The following MIB2 variants were observed in gnomAD, a reference collection of about 807,000 sequenced individuals.
The protein encoded by MIB2 is E3 ubiquitin-protein ligase MIB2.
A neutral mutation model predicts 96.6 loss-of-function variants in MIB2; 78 were observed. The observed-to-expected ratio is 0.81, with a 90% CI of 0.67 to 0.97. The LOEUF (loss-of-function observed/expected upper bound fraction) is 0.97. Among genes scored for constraint, MIB2 ranks in the 50% least tolerant of loss-of-function variants. The pLI is 0.00. For synonymous variants in MIB2, 820 were observed against 629.5 expected (o/e 1.30, Z -4.53); for missense variants, 1,543 against 1,424.0 (o/e 1.08, Z -1.35).
chr1:1,615,920 C>G, intron 1 of MIB2: 1 of 998,758 alleles, frequency 1.0e-6, no homozygotes, highest in Middle Eastern at 5.0e-4. Context: ...GGTCGTCGTC[C>G]GGGCCGGGTG....
At chr1:1,620,402 T>G (rs1317497203) in intron 2 of MIB2, among the ~76,000 whole-genome samples, 1 of 152,204 alleles carries the variant, frequency 6.6e-6, no homozygotes, top group African/African-American at 2.4e-5. Context: ...CAGTCGGTTC[T>G]GCGGCTGCCT....
rs1332045586 is a variant in MIB2, at chr1:1,627,383, A to AGGGC, written c.1468_1471dup (p.Val491GlyfsTer63). On this transcript the variant is annotated frameshift_variant, in exon 12 of 20. Transcript: ENST00000355826. LOFTEE classifies it high-confidence loss of function. ...GTTGATACGGCTGCTGCTACAAGCCAGGGCGGGCGTGGACCTGCCGGACGA... is the reference window on the plus strand; with the variant it reads ...GTTGATACGGCTGCTGCTACAAGCCAGGGCGGGCGGGCGTGGACCTGCCGGACGA... 1 of 1,612,986 alleles carries AGGGC rather than the reference A, an allele frequency of 6.2e-7. No homozygotes were observed. The highest frequency in any genetic ancestry group is 8.5e-7 in the Non-Finnish European group (1 of 1,179,946).
chr1:1,629,095 C>T (rs1342342683), intron 16 of MIB2, 38 bp from the exon 17 acceptor site: 9 of 1,404,886 alleles, frequency 6.4e-6, no homozygotes, highest in South Asian at 1.6e-5. Flanking sequence ...GGGCCTGCCC[C>T]GGCGCCCGCC....
chr1:1,626,825 C>A lies in MIB2; in HGVS notation c.1078-12C>A. 2 of 1,600,588 alleles carry A rather than the reference C, an allele frequency of 1.2e-6. No homozygotes were observed. Among genetic ancestry groups the A allele is most frequent in the Non-Finnish European group, 1.7e-6 (2 of 1,178,384 alleles). On this transcript the variant is annotated splice_polypyrimidine_tract_variant and intron_variant, in intron 9 of 19. Transcript: ENST00000355826. The surrounding 1 kb of genome is among the most constrained non-coding windows in gnomAD (Gnocchi z 5.3). ...ACCTGCAGCCTGCTGTGACCCCCTCCCCTCCCCGCAGGCCCTGGGCCGCGT... is the reference window on the plus strand; with the variant it reads ...ACCTGCAGCCTGCTGTGACCCCCTCACCTCCCCGCAGGCCCTGGGCCGCGT...
Position 1,623,413 on chromosome 1 carries a change from G to A in MIB2, c.-22-18G>A, listed in dbSNP as rs866809129. 1.3e-5 allele frequency: 21 copies of A among 1,600,504 alleles called. No individual in the cohort carries two copies. Among genetic ancestry groups the A allele is most frequent in the Non-Finnish European group, 1.7e-5 (20 of 1,175,220 alleles). ...GGTCCCGAGCAGCCCGGCCCACCATGGACCCCTCTGCCCACAGGTCCCGAG... is the reference window on the plus strand; with the variant it reads ...GGTCCCGAGCAGCCCGGCCCACCATAGACCCCTCTGCCCACAGGTCCCGAG... On this transcript the variant is annotated intron_variant, in intron 2 of 19. Transcript: ENST00000355826.
In MIB2 at chr1:1,624,893, C is replaced by T. The variant is rs1444102877; in HGVS notation, c.518C>T (p.Ser173Leu). Residue 173 changes from serine (S) to leucine (L), a missense_variant, in exon 5 of 20, where the codon TCA becomes TTA. Transcript: ENST00000355826. ...VVRGPDWEWG[S>L]QDGGEGKPGR... ...CGAGGCCCCGACTGGGAGTGGGGCTCACAGGATGGTGAGTGGAGGCAGAGG... is the reference window on the plus strand; with the variant it reads ...CGAGGCCCCGACTGGGAGTGGGGCTTACAGGATGGTGAGTGGAGGCAGAGG... 1 of 1,612,554 alleles carries T rather than the reference C, an allele frequency of 6.2e-7. No homozygotes were observed. Among genetic ancestry groups the T allele is most frequent in the African/African-American group, 1.3e-5 (1 of 74,944 alleles).
At position 1,625,380 on chromosome 1, in the gene MIB2, G is replaced by C. The variant is rs1292979042; in HGVS notation, c.816G>C (p.Leu272=). The C allele has an allele frequency of 2.5e-6, 4 of 1,588,706 alleles. No homozygotes were observed. The highest frequency in any genetic ancestry group is 3.4e-6 in the Non-Finnish European group (4 of 1,168,330). ...KVKCLLDTDV[L]REMQEGHGGW... ...AGTGTCTGCTGGACACTGATGTCCT[G>C]CGGGAGATGCAGGAAGGCCACGGCG... Residue 272 remains leucine, a synonymous_variant, in exon 7 of 20, where the codon CTG becomes CTC. Transcript: ENST00000355826. This position sits in a 1 kb window ranked among gnomAD's most constrained non-coding sequence, Gnocchi z 5.0.
intron 4 of MIB2, among the ~76,000 whole-genome samples, chr1:1,624,462 C>G (rs568912564): frequency 7.2e-5 from 11 of 152,204 alleles, no homozygotes; most frequent in Non-Finnish European, 1.3e-4. Context: ...TGTGCCCCAG[C>G]TCACTGGGAG....
intron 2 of MIB2, among the ~76,000 whole-genome samples, chr1:1,622,932 G>A (rs1242278660): frequency 1.3e-5 from 2 of 152,134 alleles, no homozygotes; most frequent in East Asian, 1.9e-4. Context: ...GTTGTCTGAC[G>A]TTTTCGTGTG....
chr1:1,615,571 C>T lies in MIB2; in HGVS notation c.-192C>T. 6.5e-7 allele frequency: 1 copy of T among 1,541,240 alleles called. No individual in the cohort carries two copies. Among genetic ancestry groups the T allele is most frequent in the Non-Finnish European group, 8.7e-7 (1 of 1,147,488 alleles). On this transcript the variant is annotated 5_prime_UTR_variant, in exon 1 of 20. Transcript: ENST00000355826. ...GGTGGCCCAGGAGGGCCTGGGAGCC[C>T]GAAGCCGTCCCCGAGTCGCTCCTAG...
Position 1,625,521 on chromosome 1 carries a change from G to T in MIB2, c.865-25G>T. 1 of 1,479,992 alleles carries T rather than the reference G, an allele frequency of 6.8e-7. No homozygotes were observed. The allele number at this position is 1,479,992 out of a possible 1,614,324, so 91.7% of individuals were successfully genotyped here. Reference sequence around the variant, plus strand: ...CTCCCCAAGCGTCCAGCCCGACCCAGCCACAGCTCCATGACCCGCCACAGT... The same window carrying T: ...CTCCCCAAGCGTCCAGCCCGACCCATCCACAGCTCCATGACCCGCCACAGT... On this transcript the variant is annotated intron_variant, in intron 7 of 19. Coordinates refer to ENST00000355826, the MANE Select transcript of MIB2 (RefSeq NM_001170687.4). The surrounding 1 kb of genome is among the most constrained non-coding windows in gnomAD (Gnocchi z 5.0).
intron 19 of MIB2, 94 bp downstream of exon 19, chr1:1,629,798 A>G: frequency 5.7e-6 from 6 of 1,050,548 alleles, no homozygotes; most frequent in South Asian, 1.8e-5. Context: ...ACTTCCGCCC[A>G]TGGCCCTTCC....
chr1:1,622,029 C>G (rs1644306825), intron 2 of MIB2, among the ~76,000 whole-genome samples: 1 of 152,256 alleles, frequency 6.6e-6, no homozygotes, highest in African/African-American at 2.4e-5. Flanking sequence ...ATGCAAAGCA[C>G]TGGGTTGCAG....
chr1:1,630,558 C>T lies in MIB2; in HGVS notation c.*28C>T, dbSNP rs1443182892. On this transcript the variant is annotated 3_prime_UTR_variant, in exon 20 of 20. Transcript: ENST00000355826. ...CGCGCCGTCCGCCGCGCCCGAGCTG[C>T]CTTCGCGTGCCCCCGCCCTGTGTTT... 4 of 1,479,996 alleles carry T rather than the reference C, an allele frequency of 2.7e-6. No individual in the cohort carries two copies. Among genetic ancestry groups the T allele is most frequent in the African/African-American group, 1.4e-5 (1 of 70,078 alleles). 91.7% of individuals were successfully genotyped at this position (1,479,996 alleles called of 1,614,324 possible).
chr1:1,616,247 C>T (rs964142211), intron 1 of MIB2: 2 of 434,552 alleles, frequency 4.6e-6, no homozygotes, highest in East Asian at 1.0e-4. Context: ...CCTGCGCCGG[C>T]GCCCGTGCGC....
rs1419956251 is a variant in MIB2, at chr1:1,629,213, C to T, written c.2283C>T (p.Ala761=). 3.9e-6 allele frequency: 6 copies of T among 1,532,692 alleles called. No individual in the cohort carries two copies. The highest frequency in any genetic ancestry group is 5.2e-6 in the Non-Finnish European group (6 of 1,149,542). The allele number at this position is 1,532,692 out of a possible 1,614,324, so 94.9% of individuals were successfully genotyped here. Residue 761 remains alanine, a synonymous_variant, in exon 17 of 20, where the codon GCC becomes GCT. Transcript: ENST00000355826. The stretch of plus-strand genomic sequence containing the variant: ...CCTGCTTCCTGGCGCTGGAGGGCGC[C>T]GACGTGAGCTACACCAACCACCGCG... ...AVACFLALEG[A]DVSYTNHRGR...
In MIB2 at chr1:1,616,227, C is replaced by T. The variant is rs536109556; in HGVS notation, c.-129-281C>T. ...GTGCCCGCCGTGCCCGCCCCTGGCC[C>T]GCCCGTTCCCCTGCGCCGGCGCCCG... is the stretch of plus-strand genomic sequence containing the variant. On this transcript the variant is annotated intron_variant, in intron 1 of 19. Transcript: ENST00000355826. The T allele has an allele frequency of 7.0e-4, 380 of 542,100 alleles. 3 individuals carry two copies. The highest frequency in any genetic ancestry group is 7.0e-3 in the African/African-American group (345 of 49,358). The allele number at this position is 542,100 out of a possible 1,614,324, so 33.6% of individuals were successfully genotyped here.
In MIB2 at chr1:1,629,467, G is replaced by C; in HGVS notation, c.2464G>C (p.Gly822Arg). ...CAACACCGTGACGAACCTGCACGTG[G>C]GCGCCGCGCCGGGGCCCGAGGCCGC... is the stretch of plus-strand genomic sequence containing the variant. ...TPNTVTNLHV[G>R]AAPGPEAAEC... Residue 822 changes from glycine to arginine, a missense_variant, in exon 18 of 20, where the codon GGC (glycine) becomes CGC (arginine). Coordinates refer to ENST00000355826, the MANE Select transcript of MIB2 (RefSeq NM_001170687.4). 6.5e-7 allele frequency: 1 copy of C among 1,532,006 alleles called. No individual in the cohort carries two copies. Among genetic ancestry groups the C allele is most frequent in the East Asian group, 2.5e-5 (1 of 40,468 alleles). 94.9% of individuals were successfully genotyped at this position (1,532,006 alleles called of 1,614,324 possible). A position where few individuals can be genotyped will look rare whatever the true frequency, so the allele number is the denominator to read the frequency against.
At chr1:1,621,747 C>T (rs1299652510) in intron 2 of MIB2, among the ~76,000 whole-genome samples, 1 of 152,218 alleles carries the variant, frequency 6.6e-6, no homozygotes, top group African/African-American at 2.4e-5. Flanking sequence ...GAAGTTTGTG[C>T]CCCTGAGAAT....
Sources: allele counts gnomAD v4.1 joint callset (sites outside exome capture counted in the v4.1 genomes callset), GRCh38; gene constraint gnomAD v4.1.1; non-coding constraint Gnocchi (gnomAD v3.1); transcripts MANE v1.5; gene names NCBI Gene and HGNC (gene_info 2026-07-23, HGNC 2026-07-21).